Variants in SPATS2 observed in about 807,000 individuals in gnomAD.
SPATS2 encodes spermatogenesis associated serine rich 2.
In SPATS2, 38 loss-of-function variants were observed where a neutral mutation model predicts 63.7. That is an observed-to-expected ratio of 0.60 (90% CI 0.46 to 0.78). The LOEUF is 0.78. Ranked by LOEUF, SPATS2 falls within the 30% of genes least tolerant of loss-of-function variation. The pLI, the probability that SPATS2 is intolerant of heterozygous loss-of-function variation, is 0.00. For missense variants in SPATS2, 588 were observed against 666.2 expected (o/e 0.88, Z 1.29); for synonymous variants, 207 against 232.9 (o/e 0.89, Z 1.01).
intron 2 of SPATS2, among the ~76,000 whole-genome samples, chr12:49,403,426 G>A (rs1208555299): frequency 6.6e-6 from 1 of 152,016 alleles, no homozygotes; most frequent in Non-Finnish European, 1.5e-5. Context: ...TCAGGAGTTC[G>A]AGACCAGCCT....
chr12:49,426,151 G>A (rs1945071819), intron 2 of SPATS2, among the ~76,000 whole-genome samples: 1 of 152,100 alleles, frequency 6.6e-6, no homozygotes, highest in Admixed American at 6.5e-5. Context: ...CAGTTAAACT[G>A]TGAAGGTAAG....
At chr12:49,515,902 G>A (rs762257696) in intron 10 of SPATS2, among the ~76,000 whole-genome samples, 2 of 151,804 alleles carry the variant, frequency 1.3e-5, no homozygotes, top group Non-Finnish European at 2.9e-5. Context: ...AGCACTTTGG[G>A]AGGCTGAGGC....
intron 9 of SPATS2, among the ~76,000 whole-genome samples, chr12:49,510,559 T>C (rs2138017814): frequency 8.1e-6 from 1 of 123,610 alleles, no homozygotes; most frequent in Non-Finnish European, 1.6e-5. Context: ...TGAGACCCTG[T>C]CTCAAAAAAA....
At chr12:49,490,556 A>C (rs1946365188) in intron 5 of SPATS2, 126 bp from the exon 6 acceptor site, 1 of 876,962 alleles carries the variant, frequency 1.1e-6, no homozygotes, top group Non-Finnish European at 1.8e-6. Context: ...CCTGATCCTT[A>C]ACTTTAACTT....
rs1193844857 is a variant in SPATS2, at chr12:49,516,192, T to A, written c.898+1579T>A. Among the ~76,000 whole-genome samples, 82 of 69,682 alleles carry A rather than the reference T, an allele frequency of 1.2e-3. 11 individuals are homozygous for A. Among genetic ancestry groups the A allele is most frequent in the African/African-American group, 6.1e-3 (76 of 12,468 alleles). 45.7% of individuals were successfully genotyped at this position (69,682 alleles called of 152,430 possible). A position where few individuals can be genotyped will look rare whatever the true frequency, so the allele number is the denominator to read the frequency against. ...ATATATATATATATATATATATATA[T>A]ATATATATATATATATAAATCAGGC... On this transcript the variant is annotated intron_variant, in intron 10 of 13. Transcript: ENST00000552918.
chr12:49,524,405 A>G (rs1946996590), intron 12 of SPATS2, among the ~76,000 whole-genome samples: 1 of 152,208 alleles, frequency 6.6e-6, no homozygotes, highest in South Asian at 2.1e-4. Flanking sequence ...ACTAGATCCA[A>G]TCCCAAGAAG....
intron 2 of SPATS2, chr12:49,442,515 A>T (rs1461785963): frequency 1.3e-5 from 2 of 155,284 alleles, no homozygotes; most frequent in East Asian, 1.9e-4. Context: ...TTGGTTAGCT[A>T]CTTTGTCCTG....
intron 7 of SPATS2, among the ~76,000 whole-genome samples, chr12:49,495,710 G>A (rs1197536034): frequency 2.0e-5 from 3 of 152,134 alleles, no homozygotes; most frequent in Non-Finnish European, 4.4e-5. Context: ...TGGGTTAATA[G>A]CAGAGAAATA....
At chr12:49,465,875 C>T (rs1031897267) in intron 3 of SPATS2, among the ~76,000 whole-genome samples, 20 of 152,030 alleles carry the variant, frequency 1.3e-4, no homozygotes, top group South Asian at 1.0e-3. Context: ...ACCCGGGAGG[C>T]GGAGGTTGCA....
chr12:49,458,000 G>C (rs552705576), intron 2 of SPATS2, among the ~76,000 whole-genome samples: 1 of 152,196 alleles, frequency 6.6e-6, no homozygotes, highest in South Asian at 2.1e-4. Context: ...AATCTTGATG[G>C]AATATTTTTT....
At chr12:49,461,232 CTT>C (rs1945816835) in intron 3 of SPATS2, 195 bp downstream of exon 3, 2 of 603,070 alleles carry the variant, frequency 3.3e-6, no homozygotes, top group Non-Finnish European at 5.7e-6. Flanking sequence ...CTCACACAAA[CTT>C]AGCAAATTGT....
chr12:49,526,227 CCT>C lies in SPATS2; in HGVS notation c.1614_1615del (p.Gln539AspfsTer2), dbSNP rs1947033174. On this transcript the variant is annotated frameshift_variant, in exon 14 of 14. Transcript: ENST00000552918. LOFTEE classifies it high-confidence loss of function. Reference sequence around the variant, plus strand: ...GGGCTCCCCCAGCGCAAACCCAGGACCTCTCAGACTGAAGCCGTGAACTCTTG... The same window carrying C: ...GGGCTCCCCCAGCGCAAACCCAGGACCTCAGACTGAAGCCGTGAACTCTTG... The C allele has an allele frequency of 6.2e-7, 1 of 1,613,174 alleles. No individual in the cohort carries two copies. Among genetic ancestry groups the C allele is most frequent in the Non-Finnish European group, 8.5e-7 (1 of 1,179,596 alleles).
At chr12:49,479,515 C>T (rs1013074838) in intron 3 of SPATS2, among the ~76,000 whole-genome samples, 7 of 152,196 alleles carry the variant, frequency 4.6e-5, no homozygotes, top group Non-Finnish European at 1.0e-4. Flanking sequence ...ATGGTTTGGA[C>T]AGCTACAGCT....
At chr12:49,484,766 A>G (rs1946260964) in intron 4 of SPATS2, 97 bp downstream of exon 4, 2 of 1,021,916 alleles carry the variant, frequency 2.0e-6, no homozygotes, top group Middle Eastern at 2.1e-4. Flanking sequence ...ATGAGACTGA[A>G]ATTTTAAGAA....
chr12:49,522,062 C>T (rs1946951186), intron 11 of SPATS2, among the ~76,000 whole-genome samples: 1 of 151,668 alleles, frequency 6.6e-6, no homozygotes, highest in Admixed American at 6.6e-5. Context: ...CTACCTTAGA[C>T]ATTGTTTAAT....
At chr12:49,479,219 G>A (rs1420120788) in intron 3 of SPATS2, among the ~76,000 whole-genome samples, 1 of 152,236 alleles carries the variant, frequency 6.6e-6, no homozygotes, top group African/African-American at 2.4e-5. Flanking sequence ...GGCACCACAA[G>A]TCACTACCCG....
chr12:49,385,874 GTTTT>G, intron 2 of SPATS2, among the ~76,000 whole-genome samples: 1 of 139,908 alleles, frequency 7.1e-6, no homozygotes, highest in Admixed American at 7.2e-5. Flanking sequence ...TTTGTTTTTT[GTTTT>G]TTTTTTTTGA....
At chr12:49,446,903 G>A (rs114825817) in intron 2 of SPATS2, among the ~76,000 whole-genome samples, 278 of 152,046 alleles carry the variant, frequency 1.8e-3, no homozygotes, top group African/African-American at 6.6e-3. Context: ...GAATTAATTA[G>A]AGAATGTTCT....
At chr12:49,468,049 CTTTCTTTTCTT>C (rs2137727973) in intron 3 of SPATS2, among the ~76,000 whole-genome samples, 1 of 151,852 alleles carries the variant, frequency 6.6e-6, no homozygotes, top group South Asian at 2.1e-4. Flanking sequence ...TCTTCTTTTC[CTTTCTTTTCTT>C]TTTCTCTTTT....
Sources: allele counts gnomAD v4.1 joint callset (sites outside exome capture counted in the v4.1 genomes callset), GRCh38; gene constraint gnomAD v4.1.1; transcripts MANE v1.5; gene names NCBI Gene and HGNC (gene_info 2026-07-23, HGNC 2026-07-21).